Variants in ESRRB observed in about 807,000 individuals in gnomAD.
ESRRB encodes the protein steroid hormone receptor ERR2.
ESRRB carries 16 observed loss-of-function variants against 46.0 expected under a neutral mutation model. That is an observed-to-expected ratio of 0.35 (90% CI 0.24 to 0.53). ESRRB has a LOEUF of 0.53. ESRRB is among the 20% of genes least tolerant of loss of function. The probability of loss-of-function intolerance (pLI) is 0.93; values close to 1 mark genes in which losing one functional copy is unlikely to be tolerated. For missense variants in ESRRB, 488 were observed against 607.4 expected (o/e 0.80, Z 2.07); for synonymous variants, 246 against 259.6 (o/e 0.95, Z 0.50).
upstream of ESRRB, among the ~76,000 whole-genome samples, chr14:76,368,253 A>C (rs551023474): frequency 4.0e-5 from 6 of 150,966 alleles, no homozygotes; most frequent in Admixed American, 4.0e-4. Context: ...GATTACAGGC[A>C]TGAGCCACTG....
At chr14:76,461,360 T>C (rs1888851557) in intron 2 of ESRRB, among the ~76,000 whole-genome samples, 1 of 152,236 alleles carries the variant, frequency 6.6e-6, no homozygotes, top group African/African-American at 2.4e-5. Flanking sequence ...TCTACCTGCC[T>C]GTCTCTATAT....
intron 3 of ESRRB, among the ~76,000 whole-genome samples, chr14:76,466,587 C>T (rs1185829327): frequency 6.6e-6 from 1 of 152,118 alleles, no homozygotes; most frequent in South Asian, 2.1e-4. Context: ...TTAAGCAAAT[C>T]TAGTACATAA....
At chr14:76,353,870 C>T (rs1180145489) in intron 1 of ESRRB, among the ~76,000 whole-genome samples, 4 of 151,826 alleles carry the variant, frequency 2.6e-5, no homozygotes, top group Admixed American at 1.3e-4. Context: ...AGGCTGAACC[C>T]GGAGGATCAC....
intron 1 of ESRRB, among the ~76,000 whole-genome samples, chr14:76,331,913 C>G (rs570940231): frequency 2.0e-5 from 3 of 151,884 alleles, no homozygotes; most frequent in South Asian, 2.1e-4. Flanking sequence ...AGTCCAGGTG[C>G]CCAGCGCCCA....
At chr14:76,430,893 A>G (rs745784681) in intron 1 of ESRRB, among the ~76,000 whole-genome samples, 2 of 152,194 alleles carry the variant, frequency 1.3e-5, no homozygotes, top group Non-Finnish European at 1.5e-5. Flanking sequence ...TCTACCCCAT[A>G]GAGGAAAGCA....
At chr14:76,411,974 A>G (rs1254101394) in intron 1 of ESRRB, among the ~76,000 whole-genome samples, 2 of 152,226 alleles carry the variant, frequency 1.3e-5, no homozygotes, top group African/African-American at 2.4e-5. Flanking sequence ...AAGATGCTCA[A>G]TAAATATGAT....
At chr14:76,357,630 C>T (rs1219204588) in intron 1 of ESRRB, among the ~76,000 whole-genome samples, 3 of 152,198 alleles carry the variant, frequency 2.0e-5, no homozygotes, top group Non-Finnish European at 4.4e-5. Flanking sequence ...TCTTCTGCCT[C>T]AGTCTTCCAA....
rs528235687 is a variant in ESRRB at position 76,499,029 on chromosome 14, G to T, written c.*571G>T. 2.8e-6 allele frequency: 1 copy of T among 355,262 alleles called. No homozygotes were observed. Among genetic ancestry groups the T allele is most frequent in the Non-Finnish European group, 5.7e-6 (1 of 175,416 alleles). 22.0% of individuals were successfully genotyped at this position (355,262 alleles called of 1,614,324 possible). On this transcript the variant is annotated 3_prime_UTR_variant, in exon 7 of 7. Transcript: ENST00000644823. ...TTTCCACTCAGCTTTCAGCCAGGGGGTACCCACAGGAGAGCAGCGGCTAGA... is the reference window on the plus strand; with the variant it reads ...TTTCCACTCAGCTTTCAGCCAGGGGTTACCCACAGGAGAGCAGCGGCTAGA...
At chr14:76,477,250 T>C (rs1312316648) in intron 3 of ESRRB, among the ~76,000 whole-genome samples, 4 of 152,062 alleles carry the variant, frequency 2.6e-5, no homozygotes, top group South Asian at 2.1e-4. Flanking sequence ...AGGGGAGAAA[T>C]AGAGCAAGCC....
At chr14:76,447,002 G>A (rs1343258813) in intron 2 of ESRRB, among the ~76,000 whole-genome samples, 1 of 152,060 alleles carries the variant, frequency 6.6e-6, no homozygotes, top group African/African-American at 2.4e-5. Flanking sequence ...CTGTTTTATT[G>A]AGAAACTAGA....
chr14:76,440,872 A>G (rs746742658), intron 2 of ESRRB, among the ~76,000 whole-genome samples: 1 of 152,092 alleles, frequency 6.6e-6, no homozygotes, highest in Non-Finnish European at 1.5e-5. Context: ...CGTCTCTACT[A>G]AAAATACCAA....
At chr14:76,425,438 G>A (rs1399860130) in intron 1 of ESRRB, among the ~76,000 whole-genome samples, 1 of 152,068 alleles carries the variant, frequency 6.6e-6, no homozygotes, top group Non-Finnish European at 1.5e-5. Context: ...GAATGGGGGT[G>A]GGTTGGATGC....
intron 1 of ESRRB, among the ~76,000 whole-genome samples, chr14:76,405,239 C>T (rs1214000294): frequency 6.6e-6 from 1 of 152,066 alleles, no homozygotes; most frequent in Non-Finnish European, 1.5e-5. Flanking sequence ...GTAGCTGGGA[C>T]TACAGGCACA....
At chr14:76,330,221 G>A (rs1360077260) in intron 1 of ESRRB, among the ~76,000 whole-genome samples, 14 of 152,130 alleles carry the variant, frequency 9.2e-5, no homozygotes, top group Admixed American at 9.2e-4. Context: ...GGGCCCAAGG[G>A]GCTGGCTCCC....
rs1341257217 is a variant in ESRRB at position 76,406,304 on chromosome 14, GGGAGTTA to G, written c.50+29856_50+29862del. Among the ~76,000 whole-genome samples the G allele has an allele frequency of 5.9e-5, 9 of 152,252 alleles. No individual in the cohort carries two copies. In the South Asian group the frequency reaches 1.2e-3, roughly 21 times the overall value. The stretch of plus-strand genomic sequence containing the variant: ...GAGGGTGGGAGGTGGGGTTGGGGCT[GGGAGTTA>G]GGGCTTGGTTCTCAATGGTTTTCTG... On this transcript the variant is annotated intron_variant, in intron 1 of 6. Transcript: ENST00000644823.
chr14:76,460,733 C>CTTTTTTTTTT (rs1555341816), intron 2 of ESRRB, among the ~76,000 whole-genome samples: 2 of 108,066 alleles, frequency 1.9e-5, no homozygotes, highest in Non-Finnish European at 3.6e-5. Flanking sequence ...CGGAGTTTTG[C>CTTTTTTTTTT]TCTTGTCACC....
At chr14:76,361,199 G>A (rs571449777) in intron 1 of ESRRB, among the ~76,000 whole-genome samples, 74 of 152,278 alleles carry the variant, frequency 4.9e-4, no homozygotes, top group African/African-American at 1.3e-3. Context: ...GAGATGACTC[G>A]GCTGCCCAGT....
chr14:76,437,393 C>G (rs1008359230), intron 1 of ESRRB, among the ~76,000 whole-genome samples: 1 of 152,150 alleles, frequency 6.6e-6, no homozygotes, highest in African/African-American at 2.4e-5. Context: ...CTCTCCCAAT[C>G]ATAAGGTTGC....
chr14:76,363,370 C>G (rs1215940362), intron 1 of ESRRB, among the ~76,000 whole-genome samples: 3 of 152,218 alleles, frequency 2.0e-5, no homozygotes, highest in Non-Finnish European at 2.9e-5. Flanking sequence ...TCCAACCAAG[C>G]AAATTGGTCC....
Sources: gnomAD v4.1 joint callset for allele counts (sites outside exome capture counted in the v4.1 genomes callset) on GRCh38, gnomAD v4.1.1 for gene constraint, MANE v1.5 for transcripts, NCBI Gene and HGNC (gene_info 2026-07-23, HGNC 2026-07-21) for gene names.